NCOA1: variants seen among roughly 807,000 people sequenced by gnomAD.
NCOA1 encodes Hin-2 protein.
In NCOA1, 35 loss-of-function variants were observed where a neutral mutation model predicts 150.9. That is an observed-to-expected ratio of 0.23 (90% CI 0.18 to 0.31). The LOEUF (loss-of-function observed/expected upper bound fraction) is 0.31, where lower values mean the gene tolerates loss of function less well. Among genes scored for constraint, NCOA1 ranks in the 10% least tolerant of loss-of-function variants. The pLI is 1.00. For synonymous variants in NCOA1, 590 were observed against 630.0 expected (o/e 0.94, Z 0.95); for missense variants, 1,491 against 1,749.3 (o/e 0.85, Z 2.63).
At chr2:24,668,990 TG>T (rs1336373772) in intron 6 of NCOA1, among the ~76,000 whole-genome samples, 6 of 152,140 alleles carry the variant, frequency 3.9e-5, no homozygotes, top group Non-Finnish European at 8.8e-5. Context: ...ATGACCCTAG[TG>T]ACATATATAT....
chr2:24,734,055 T>C (rs1236951054), intron 17 of NCOA1, among the ~76,000 whole-genome samples: 1 of 151,310 alleles, frequency 6.6e-6, no homozygotes, highest in Non-Finnish European at 1.5e-5. Flanking sequence ...TGTGGTGGCG[T>C]GTTCCCAGCT....
rs183848976 is a variant in NCOA1, at chr2:24,542,910, G to T, written c.-395-21385G>T. On this transcript the variant is annotated intron_variant, in intron 1 of 22. Coordinates refer to ENST00000348332, the MANE Select transcript of NCOA1 (RefSeq NM_003743.5). Reference sequence around the variant, plus strand: ...CAAGGGGATTTTATTTTGATTACTTGTAAAATCGTCACTAAGTCTAAGCCA... The same window carrying T: ...CAAGGGGATTTTATTTTGATTACTTTTAAAATCGTCACTAAGTCTAAGCCA... 3.6e-3 allele frequency among the ~76,000 whole-genome samples: 551 copies of T among 152,246 alleles called. 2 individuals are homozygous for T. Among genetic ancestry groups the T allele is most frequent in the Non-Finnish European group, 6.4e-3 (437 of 68,004 alleles).
At chr2:24,726,338 G>T (rs941861763) in intron 14 of NCOA1, among the ~76,000 whole-genome samples, 2 of 151,972 alleles carry the variant, frequency 1.3e-5, no homozygotes, top group Non-Finnish European at 2.9e-5. Context: ...GAGTGATTCT[G>T]GATAACAGTA....
At chr2:24,666,188 A>AT (rs1351282981) in intron 6 of NCOA1, among the ~76,000 whole-genome samples, 5 of 150,916 alleles carry the variant, frequency 3.3e-5, no homozygotes, top group African/African-American at 9.7e-5. Context: ...ATCTTTTTGT[A>AT]TTTTTTTAGT....
At chr2:24,618,048 A>G (rs1668953220) in intron 3 of NCOA1, among the ~76,000 whole-genome samples, 2 of 152,212 alleles carry the variant, frequency 1.3e-5, no homozygotes, top group South Asian at 4.1e-4. Context: ...TTATAGAAAG[A>G]ATGCATATGC....
At chr2:24,748,885 G>A (rs1438323577) in intron 19 of NCOA1, among the ~76,000 whole-genome samples, 1 of 151,982 alleles carries the variant, frequency 6.6e-6, no homozygotes, top group Non-Finnish European at 1.5e-5. Context: ...GAAACAAGCA[G>A]GTCACAGAAT....
At chr2:24,510,673 C>T (rs2148106299) in intron 1 of NCOA1, among the ~76,000 whole-genome samples, 1 of 151,834 alleles carries the variant, frequency 6.6e-6, no homozygotes, top group East Asian at 1.9e-4. Flanking sequence ...TTTCGGTAAA[C>T]TTTGGTAATG....
intron 3 of NCOA1, among the ~76,000 whole-genome samples, chr2:24,633,125 C>T (rs1355828716): frequency 6.6e-6 from 1 of 151,660 alleles, no homozygotes; most frequent in Non-Finnish European, 1.5e-5. Flanking sequence ...CACATACAGC[C>T]ATATATAGAT....
At chr2:24,557,156 G>A (rs1327582174) in intron 1 of NCOA1, among the ~76,000 whole-genome samples, 3 of 67,862 alleles carry the variant, frequency 4.4e-5, no homozygotes, top group African/African-American at 1.0e-4. Context: ...GTTTTCATGG[G>A]GGTAGCAACG....
rs187110678 is a variant in NCOA1 at position 24,691,865 on chromosome 2, C to T, written c.712+205C>T. On this transcript the variant is annotated intron_variant, in intron 9 of 22. Transcript: ENST00000348332. ...TAGAATCATTCCTTTAATATGCCCC[C>T]CAGATTCTCAGTTTTAAGCTGGCAT... 2.6e-5 allele frequency among the ~76,000 whole-genome samples: 4 copies of T among 152,240 alleles called. No homozygotes were observed. In the East Asian group the frequency reaches 7.7e-4, roughly 29 times the overall value.
rs1038348454 is a variant in NCOA1, at chr2:24,525,687, T to C, written c.-396+34085T>C. Among the ~76,000 whole-genome samples, 12 of 152,024 alleles carry C rather than the reference T, an allele frequency of 7.9e-5. No individual in the cohort carries two copies. The East Asian group carries it at 1.7e-3, about 22-fold the overall frequency. On this transcript the variant is annotated intron_variant, in intron 1 of 22. Coordinates refer to ENST00000348332, the MANE Select transcript of NCOA1 (RefSeq NM_003743.5). ...TCGGCCTTCTGGGTAGCTGGGATTA[T>C]AGGCATGCGTCACCATGCCTGGCTA...
chr2:24,554,064 A>G (rs565533618), intron 1 of NCOA1, among the ~76,000 whole-genome samples: 1 of 152,158 alleles, frequency 6.6e-6, no homozygotes, highest in Non-Finnish European at 1.5e-5. Flanking sequence ...TTCATTACCA[A>G]TGTAGGTAAT....
chr2:24,697,623 G>C, intron 10 of NCOA1, 35 bp from the exon 11 acceptor site: 1 of 1,536,500 alleles, frequency 6.5e-7, no homozygotes. Context: ...ATATAAAGAG[G>C]CTGTTATAAA....
intron 3 of NCOA1, among the ~76,000 whole-genome samples, chr2:24,609,290 T>C (rs1266366723): frequency 6.6e-6 from 1 of 152,248 alleles, no homozygotes; most frequent in Non-Finnish European, 1.5e-5. Context: ...GTGGGTTATG[T>C]ATCTTTTTAA....
intron 19 of NCOA1, among the ~76,000 whole-genome samples, chr2:24,751,129 A>C (rs1023831194): frequency 1.3e-5 from 2 of 151,098 alleles, no homozygotes; most frequent in African/African-American, 4.9e-5. Context: ...CTGAGATAAC[A>C]GGCGTTTTTG....
chr2:24,511,577 C>T lies in NCOA1; in HGVS notation c.-396+19975C>T, dbSNP rs1663938013. On this transcript the variant is annotated intron_variant, in intron 1 of 22. Coordinates refer to ENST00000348332, the MANE Select transcript of NCOA1 (RefSeq NM_003743.5). Reference sequence around the variant, plus strand: ...TTTGCTTATTTTAAAATTGTGTTGTCTTTTGTACTGAATTGTAAGAATTCT... The same window carrying T: ...TTTGCTTATTTTAAAATTGTGTTGTTTTTTGTACTGAATTGTAAGAATTCT... Among the ~76,000 whole-genome samples, 4 of 151,946 alleles carry T rather than the reference C, an allele frequency of 2.6e-5. No homozygotes were observed. In the South Asian group the frequency reaches 8.3e-4, roughly 32 times the overall value.
Position 24,768,472 on chromosome 2 carries a change from G to T in NCOA1, c.*81G>T. The T allele has an allele frequency of 3.8e-6, 2 of 526,012 alleles. No individual in the cohort carries two copies. The highest frequency in any genetic ancestry group is 1.4e-4 in the East Asian group (1 of 7,326). 32.6% of individuals were successfully genotyped at this position (526,012 alleles called of 1,614,324 possible). On this transcript the variant is annotated 3_prime_UTR_variant, in exon 23 of 23. Transcript: ENST00000348332. The stretch of plus-strand genomic sequence containing the variant: ...TATTATATATTTTTCTGAGATTTTT[G>T]ATATCTCAATCTGCAGCCATTCTTC...
intron 19 of NCOA1, among the ~76,000 whole-genome samples, chr2:24,745,414 G>T (rs1384550374): frequency 6.6e-6 from 1 of 151,880 alleles, no homozygotes; most frequent in Non-Finnish European, 1.5e-5. Flanking sequence ...CACCCACCTC[G>T]GCCTCCCAAA....
chr2:24,661,214 C>G (rs1480646827), intron 5 of NCOA1, among the ~76,000 whole-genome samples: 1 of 152,160 alleles, frequency 6.6e-6, no homozygotes, highest in Non-Finnish European at 1.5e-5. Context: ...CTTTGCCAGT[C>G]TAATGGGTGT....
Sources: gnomAD v4.1 joint callset for allele counts (sites outside exome capture counted in the v4.1 genomes callset) on GRCh38, gnomAD v4.1.1 for gene constraint, MANE v1.5 for transcripts, NCBI Gene and HGNC (gene_info 2026-07-23, HGNC 2026-07-21) for gene names.